Variants in GSAP observed in about 807,000 individuals in gnomAD.
GSAP encodes gamma-secretase activating protein.
Under a neutral mutation model 131.7 loss-of-function variants are expected in GSAP, and 118 were observed. The observed-to-expected ratio is 0.90, with a 90% CI of 0.77 to 1.04. GSAP has a LOEUF of 1.04. Among genes scored for constraint, GSAP ranks in the 50% least tolerant of loss-of-function variants. The pLI, the probability that GSAP is intolerant of heterozygous loss-of-function variation, is 0.00. For synonymous variants in GSAP, 381 were observed against 363.4 expected (o/e 1.05, Z -0.55); for missense variants, 1,019 against 1,013.2 (o/e 1.01, Z -0.08).
intron 19 of GSAP, among the ~76,000 whole-genome samples, chr7:77,334,786 G>C (rs1584320840): frequency 6.6e-6 from 1 of 151,892 alleles, no homozygotes; most frequent in African/African-American, 2.4e-5. Context: ...CAAAAATGCT[G>C]TATAAGAAAC....
chr7:77,389,356 GT>G (rs1799084985), intron 5 of GSAP, among the ~76,000 whole-genome samples: 1 of 149,520 alleles, frequency 6.7e-6, no homozygotes, highest in African/African-American at 2.5e-5. Flanking sequence ...GGTTAACATA[GT>G]GAAATGCCGT....
chr7:77,322,991 TTCTC>T (rs1324477950), intron 24 of GSAP, among the ~76,000 whole-genome samples: 1 of 148,580 alleles, frequency 6.7e-6, no homozygotes, highest in Non-Finnish European at 1.5e-5. Context: ...GGAGTGTTCT[TTCTC>T]TTTCTGTGCA....
intron 26 of GSAP, among the ~76,000 whole-genome samples, chr7:77,317,143 T>G (rs1427447342): frequency 6.6e-6 from 1 of 151,990 alleles, no homozygotes. Flanking sequence ...TGTCACATGA[T>G]GGAAATAAAC....
intron 1 of GSAP, among the ~76,000 whole-genome samples, chr7:77,413,757 GAA>G (rs1158921647): frequency 6.6e-6 from 1 of 151,894 alleles, no homozygotes; most frequent in Non-Finnish European, 1.5e-5. Flanking sequence ...GAGGATGAGA[GAA>G]AGAAATAGAA....
At chr7:77,370,032 T>C (rs1795884145) in intron 12 of GSAP, among the ~76,000 whole-genome samples, 1 of 152,188 alleles carries the variant, frequency 6.6e-6, no homozygotes, top group Non-Finnish European at 1.5e-5. Context: ...TTATTAAATA[T>C]GTCATAACTA....
chr7:77,340,414 G>A lies in GSAP; in HGVS notation c.1545+8937C>T, dbSNP rs570420289. Among the ~76,000 whole-genome samples the A allele has an allele frequency of 9.9e-5, 15 of 152,246 alleles. No homozygotes were observed. The South Asian group carries it at 3.1e-3, about 32-fold the overall frequency. ...GACAGGAGGACTCCTTCAGGAGACC[G>A]GTCCCCTGTGCTTGCCCTCACTTCC... is the stretch of plus-strand genomic sequence containing the variant. On this transcript the variant is annotated intron_variant, in intron 19 of 30. Coordinates refer to ENST00000257626, the MANE Select transcript of GSAP (RefSeq NM_017439.4).
At chr7:77,408,674 C>T in intron 1 of GSAP, among the ~76,000 whole-genome samples, 1 of 122,284 alleles carries the variant, frequency 8.2e-6, no homozygotes, top group Non-Finnish European at 1.6e-5. Flanking sequence ...GCACTTCAGA[C>T]CAAGACTCTG....
chr7:77,381,106 T>C (rs1437070152), intron 8 of GSAP, among the ~76,000 whole-genome samples, 199 bp downstream of exon 8: 1 of 152,118 alleles, frequency 6.6e-6, no homozygotes, highest in Non-Finnish European at 1.5e-5. Flanking sequence ...AGATTGAGGG[T>C]TGAGGTAGAG....
intron 12 of GSAP, among the ~76,000 whole-genome samples, chr7:77,365,409 C>A (rs931230790): frequency 6.6e-6 from 1 of 152,082 alleles, no homozygotes; most frequent in Non-Finnish European, 1.5e-5. Context: ...CAAGAAGACC[C>A]CAGTGTCTGT....
chr7:77,353,032 T>A lies in GSAP; in HGVS notation c.1409-6A>T. The A allele has an allele frequency of 6.4e-7, 1 of 1,563,816 alleles. No homozygotes were observed. The highest frequency in any genetic ancestry group is 1.1e-5 in the South Asian group (1 of 89,642). On this transcript the variant is annotated splice_polypyrimidine_tract_variant and splice_region_variant and intron_variant, in intron 17 of 30. Coordinates refer to ENST00000257626, the MANE Select transcript of GSAP (RefSeq NM_017439.4). ...TACACTCCAGTATGAAGAAGCTGAGTAGATTTTTTTTGAAACAGGGGGAAA... is the reference window on the plus strand; with the variant it reads ...TACACTCCAGTATGAAGAAGCTGAGAAGATTTTTTTTGAAACAGGGGGAAA...
intron 1 of GSAP, among the ~76,000 whole-genome samples, chr7:77,412,950 C>T (rs1216624131): frequency 6.6e-6 from 1 of 152,134 alleles, no homozygotes; most frequent in Non-Finnish European, 1.5e-5. Context: ...CTTAGCAACT[C>T]TACTTTTAGA....
Position 77,330,303 on chromosome 7 carries a change from T to C in GSAP, c.1610A>G (p.Lys537Arg), listed in dbSNP as rs931433372. ...ACTGTTGTTATAGTGGAAGTGTGGC[T>C]TGGCGTACTTAACATATTCTAGGTT... is the stretch of plus-strand genomic sequence containing the variant. ...NSNLEYVKYA[K>R]PHFHYNNSVV... Residue 537 changes from lysine (K) to arginine (R), a missense_variant, in exon 20 of 31, where the codon AAG (lysine) becomes AGG (arginine). By Grantham distance (26) the Lys-to-Arg change is conservative. Transcript: ENST00000257626. 20 of 1,613,890 alleles carry C rather than the reference T, an allele frequency of 1.2e-5. No homozygotes were observed. The highest frequency in any genetic ancestry group is 1.6e-5 in the Non-Finnish European group (19 of 1,179,902).
At chr7:77,414,726 G>A (rs534140621) in intron 1 of GSAP, among the ~76,000 whole-genome samples, 59 of 151,938 alleles carry the variant, frequency 3.9e-4, no homozygotes, top group African/African-American at 1.4e-3. Context: ...GCAGACACCT[G>A]CCATTTAGCA....
intron 3 of GSAP, among the ~76,000 whole-genome samples, chr7:77,400,563 T>C (rs1359530478): frequency 2.0e-5 from 3 of 152,160 alleles, no homozygotes; most frequent in African/African-American, 7.2e-5. Context: ...TGGCACAACC[T>C]AGCAGTAGTA....
intron 6 of GSAP, among the ~76,000 whole-genome samples, chr7:77,386,559 T>G (rs1798596517): frequency 6.6e-6 from 1 of 152,236 alleles, no homozygotes; most frequent in Non-Finnish European, 1.5e-5. Context: ...AACAGCATAG[T>G]AACTCATGCC....
At chr7:77,336,980 C>G (rs532872615) in intron 19 of GSAP, among the ~76,000 whole-genome samples, 2 of 152,322 alleles carry the variant, frequency 1.3e-5, no homozygotes, top group South Asian at 4.1e-4. Context: ...GATGCTACAT[C>G]TTTGTCAAAG....
chr7:77,395,046 C>T (rs1226288239), intron 5 of GSAP, among the ~76,000 whole-genome samples: 1 of 152,126 alleles, frequency 6.6e-6, no homozygotes, highest in Non-Finnish European at 1.5e-5. Flanking sequence ...AGCAAGCATC[C>T]CTGAATAGAC....
chr7:77,382,976 A>T (rs111424576), intron 6 of GSAP, among the ~76,000 whole-genome samples: 66 of 152,306 alleles, frequency 4.3e-4, no homozygotes, highest in African/African-American at 1.5e-3. Context: ...ACTTGACCTC[A>T]GGAGTTCAAG....
intron 26 of GSAP, among the ~76,000 whole-genome samples, chr7:77,320,183 C>G (rs1199424344): frequency 1.3e-5 from 2 of 152,150 alleles, no homozygotes; most frequent in Admixed American, 6.5e-5. Context: ...ATTTCTAGCA[C>G]GTTACCGGTC....
Sources: allele counts gnomAD v4.1 joint callset (sites outside exome capture counted in the v4.1 genomes callset), GRCh38; gene constraint gnomAD v4.1.1; transcripts MANE v1.5; gene names NCBI Gene and HGNC (gene_info 2026-07-23, HGNC 2026-07-21).